Variants in SEC24D observed in about 807,000 individuals in gnomAD.
The protein encoded by SEC24D is protein transport protein Sec24D.
In SEC24D, 69 loss-of-function variants were observed where a neutral mutation model predicts 116.9. The observed-to-expected ratio is 0.59, with a 90% confidence interval of 0.49 to 0.72. The LOEUF (loss-of-function observed/expected upper bound fraction) is 0.72, where lower values mean the gene tolerates loss of function less well. SEC24D is among the 30% of genes least tolerant of loss of function. The pLI is 0.00. For synonymous variants in SEC24D, 405 were observed against 442.8 expected, an observed-to-expected ratio of 0.91 and a Z score of 1.07; for missense variants, 1,131 against 1,264.1, an observed-to-expected ratio of 0.89 and a Z score of 1.60.
chr4:118,798,950 C>T (rs1434670442), intron 7 of SEC24D, among the ~76,000 whole-genome samples: 1 of 152,212 alleles, frequency 6.6e-6, no homozygotes, highest in African/African-American at 2.4e-5. Context: ...GAGGTAGACT[C>T]TTGAGACCAT....
At chr4:118,782,473 A>C (rs1249129904) in intron 8 of SEC24D, among the ~76,000 whole-genome samples, 2 of 152,198 alleles carry the variant, frequency 1.3e-5, no homozygotes, top group Non-Finnish European at 2.9e-5. Flanking sequence ...TTCCTCTGGA[A>C]GCTTCGTCCC....
chr4:118,764,998 A>G (rs1727573698), intron 9 of SEC24D, 81 bp from the exon 10 acceptor site: 1 of 781,990 alleles, frequency 1.3e-6, no homozygotes, highest in East Asian at 2.5e-5. Context: ...ATTTATTATG[A>G]GAGGAAAGGA....
At chr4:118,787,991 T>C (rs898976801) in intron 8 of SEC24D, among the ~76,000 whole-genome samples, 9 of 151,994 alleles carry the variant, frequency 5.9e-5, no homozygotes, top group African/African-American at 9.7e-5. Context: ...TAAAAAAATA[T>C]TTATTTTGGT....
chr4:118,777,945 T>A (rs1728223322), intron 8 of SEC24D, among the ~76,000 whole-genome samples: 1 of 152,224 alleles, frequency 6.6e-6, no homozygotes, highest in South Asian at 2.1e-4. Context: ...TTTGCCACTT[T>A]TTGATGGGGT....
chr4:118,783,040 C>A (rs145278743), intron 8 of SEC24D, among the ~76,000 whole-genome samples: 6,102 of 152,268 alleles, frequency 0.04, 184 homozygotes, highest in Non-Finnish European at 0.063. Context: ...AAGGGAAATC[C>A]CCTGACCCCT....
rs547938039 is a variant in SEC24D, at chr4:118,828,060, T to C, written c.119-3311A>G. On this transcript the variant is annotated intron_variant, in intron 2 of 22. Transcript: ENST00000280551. Reference sequence around the variant, plus strand: ...TGATCCACCTATATAAGCTCACTATTAGGAGCCCTATCACCACCCCACAGC... The same window carrying C: ...TGATCCACCTATATAAGCTCACTATCAGGAGCCCTATCACCACCCCACAGC... Among the ~76,000 whole-genome samples, 20 of 152,028 alleles carry C rather than the reference T, an allele frequency of 1.3e-4. 1 individual carries two copies. In the South Asian group the frequency reaches 4.1e-3, roughly 32 times the overall value.
chr4:118,747,729 C>T (rs1286297340), intron 13 of SEC24D, among the ~76,000 whole-genome samples: 1 of 152,168 alleles, frequency 6.6e-6, no homozygotes, highest in African/African-American at 2.4e-5. Context: ...TAGACATTCT[C>T]TACTCATATT....
intron 6 of SEC24D, among the ~76,000 whole-genome samples, chr4:118,808,996 CAG>C (rs1282709274): frequency 1.4e-5 from 2 of 145,736 alleles, no homozygotes; most frequent in East Asian, 2.0e-4. Context: ...TTTTTTGAGA[CAG>C]AGTCTTGCTC....
chr4:118,793,972 C>G (rs550512390), intron 8 of SEC24D, among the ~76,000 whole-genome samples: 18 of 152,260 alleles, frequency 1.2e-4, no homozygotes, highest in Non-Finnish European at 2.4e-4. Flanking sequence ...GAGCGTCTCC[C>G]TAAGTCAGAT....
At chr4:118,827,010 T>C (rs553404777) in intron 2 of SEC24D, among the ~76,000 whole-genome samples, 1 of 151,760 alleles carries the variant, frequency 6.6e-6, no homozygotes, top group East Asian at 1.9e-4. Context: ...TTGAGAAGAG[T>C]TCAAAGAAGG....
intron 2 of SEC24D, among the ~76,000 whole-genome samples, 173 bp from the exon 3 acceptor site, chr4:118,824,922 C>A (rs1730537325): frequency 6.6e-6 from 1 of 152,122 alleles, no homozygotes; most frequent in Non-Finnish European, 1.5e-5. Flanking sequence ...CAGGCTCTGG[C>A]ATGAGTATTT....
chr4:118,774,705 T>A (rs1017111824), intron 8 of SEC24D, among the ~76,000 whole-genome samples: 2 of 152,138 alleles, frequency 1.3e-5, no homozygotes, highest in Admixed American at 6.6e-5. Flanking sequence ...TAAACCATGC[T>A]CCCTGGTAAG....
chr4:118,735,037 G>T (rs1022139265), intron 19 of SEC24D, among the ~76,000 whole-genome samples: 2 of 152,150 alleles, frequency 1.3e-5, no homozygotes, highest in African/African-American at 4.8e-5. Context: ...GAAAATATCA[G>T]ATTGAAATTT....
chr4:118,791,654 G>A (rs1195709378), intron 8 of SEC24D, among the ~76,000 whole-genome samples: 1 of 152,068 alleles, frequency 6.6e-6, no homozygotes, highest in Non-Finnish European at 1.5e-5. Flanking sequence ...CCTGCCGAGT[G>A]CCTGGGATTG....
chr4:118,806,179 C>T (rs770369520), intron 6 of SEC24D, among the ~76,000 whole-genome samples: 2 of 152,132 alleles, frequency 1.3e-5, no homozygotes, highest in South Asian at 4.1e-4. Flanking sequence ...ACCATGTCTT[C>T]AGTTAAAATG....
intron 8 of SEC24D, among the ~76,000 whole-genome samples, chr4:118,776,085 A>T (rs1728117549): frequency 7.2e-6 from 1 of 138,790 alleles, no homozygotes; most frequent in African/African-American, 2.6e-5. Flanking sequence ...ATAGGGAAGG[A>T]GTTAGGGAGG....
intron 6 of SEC24D, among the ~76,000 whole-genome samples, chr4:118,809,738 C>T (rs1287151762): frequency 6.6e-6 from 1 of 152,120 alleles, no homozygotes; most frequent in African/African-American, 2.4e-5. Context: ...CAGCAGTGAA[C>T]AAAACCATCA....
chr4:118,736,594 G>A (rs774461193), intron 19 of SEC24D: 27 of 298,276 alleles, frequency 9.1e-5, no homozygotes, highest in Non-Finnish European at 1.6e-4. Flanking sequence ...CAAGTTTACA[G>A]TTAGATTTTC....
At chr4:118,768,914 G>T (rs1212276740) in intron 8 of SEC24D, among the ~76,000 whole-genome samples, 1 of 152,176 alleles carries the variant, frequency 6.6e-6, no homozygotes, top group Non-Finnish European at 1.5e-5. Context: ...AACATATAGT[G>T]ATGGTAATAA....
Sources: allele counts gnomAD v4.1 joint callset (sites outside exome capture counted in the v4.1 genomes callset), GRCh38; gene constraint gnomAD v4.1.1; transcripts MANE v1.5; gene names NCBI Gene and HGNC (gene_info 2026-07-23, HGNC 2026-07-21).